The following PRKN variants were observed in gnomAD, a reference collection of about 807,000 sequenced individuals.
PRKN encodes the protein parkin RBR E3 ubiquitin protein ligase.
A neutral mutation model predicts 59.5 loss-of-function variants in PRKN; 56 were observed. The observed-to-expected ratio is 0.94, with a 90% CI of 0.76 to 1.18. PRKN has a LOEUF of 1.18. PRKN is among the 50% of genes most tolerant of loss of function. PRKN has a pLI of 0.00. For missense variants in PRKN, 657 were observed against 596.4 expected (o/e 1.10, Z -1.06); for synonymous variants, 250 against 222.1 (o/e 1.13, Z -1.12).
At chr6:162,661,961 C>T (rs752613684) in intron 1 of PRKN, among the ~76,000 whole-genome samples, 25 of 152,144 alleles carry the variant, frequency 1.6e-4, no homozygotes, top group Non-Finnish European at 3.2e-4. Context: ...TTTTTCAACC[C>T]TCATCCCCTC....
At chr6:162,369,352 T>C (rs1249415185) in intron 2 of PRKN, among the ~76,000 whole-genome samples, 3 of 152,174 alleles carry the variant, frequency 2.0e-5, no homozygotes, top group Non-Finnish European at 4.4e-5. Flanking sequence ...AAAACTCTAG[T>C]TCTATGAAAT....
chr6:161,513,456 G>A (rs529157971), intron 9 of PRKN, among the ~76,000 whole-genome samples: 34 of 87,392 alleles, frequency 3.9e-4, no homozygotes, highest in Non-Finnish European at 6.9e-4. Context: ...TAGCCAGGAT[G>A]GTCTCGATCT....
intron 5 of PRKN, among the ~76,000 whole-genome samples, chr6:161,974,403 T>G (rs368313156): frequency 2.0e-5 from 3 of 152,176 alleles, no homozygotes; most frequent in Non-Finnish European, 4.4e-5. Flanking sequence ...TCTTGCTGCT[T>G]CTTAGTTCCT....
At chr6:162,232,818 G>A (rs1296850191) in intron 3 of PRKN, among the ~76,000 whole-genome samples, 1 of 152,114 alleles carries the variant, frequency 6.6e-6, no homozygotes, top group Non-Finnish European at 1.5e-5. Flanking sequence ...GCCAGTATCT[G>A]CACAAAGCGT....
At chr6:161,713,969 T>C (rs1786862304) in intron 7 of PRKN, among the ~76,000 whole-genome samples, 1 of 152,084 alleles carries the variant, frequency 6.6e-6, no homozygotes, top group Non-Finnish European at 1.5e-5. Flanking sequence ...ATGTCTTTGC[T>C]CCTCCTTCCC....
rs559619614 is a variant in PRKN at position 162,274,530 on chromosome 6, C to G, written c.172-11765G>C. 1.2e-3 allele frequency among the ~76,000 whole-genome samples: 184 copies of G among 152,178 alleles called. 1 individual carries two copies. The highest frequency in any genetic ancestry group is 4.0e-3 in the African/African-American group (168 of 41,522). On this transcript the variant is annotated intron_variant, in intron 2 of 11. Coordinates refer to ENST00000366898, the MANE Select transcript of PRKN (RefSeq NM_004562.3). ...AAGACATAACTAATATATTGTAGTT[C>G]TCCCTTTTAAAGTGTATAATTCAGC...
intron 4 of PRKN, among the ~76,000 whole-genome samples, chr6:162,133,000 C>G (rs2128308456): frequency 6.6e-6 from 1 of 152,284 alleles, no homozygotes; most frequent in South Asian, 2.1e-4. Flanking sequence ...GTCGGGGCAG[C>G]AGAACATGTG....
chr6:161,426,676 C>CACACACAT (rs11271613), intron 9 of PRKN, among the ~76,000 whole-genome samples: 11,137 of 142,676 alleles, frequency 0.078, 634 homozygotes, highest in Middle Eastern at 0.21. Flanking sequence ...CACACACACA[C>CACACACAT]CTCCTATTAG....
chr6:161,570,146 A>ATT (rs1554277876), intron 7 of PRKN, among the ~76,000 whole-genome samples: 1 of 76,612 alleles, frequency 1.3e-5, no homozygotes, highest in East Asian at 3.2e-4. Flanking sequence ...AAAAAAAAAA[A>ATT]ATATATATAT....
At chr6:161,774,663 G>A (rs1583145038) in intron 7 of PRKN, among the ~76,000 whole-genome samples, 1 of 152,238 alleles carries the variant, frequency 6.6e-6, no homozygotes, top group Non-Finnish European at 1.5e-5. Flanking sequence ...CCTGGATAAC[G>A]GAGTGGAGCA....
chr6:161,404,434 A>C (rs374469388), intron 9 of PRKN, among the ~76,000 whole-genome samples: 1 of 152,174 alleles, frequency 6.6e-6, no homozygotes, highest in East Asian at 1.9e-4. Context: ...CCCCAGTGAC[A>C]CTTTGTGTCT....
intron 7 of PRKN, among the ~76,000 whole-genome samples, chr6:161,708,624 A>T (rs1412371920): frequency 6.6e-6 from 1 of 152,232 alleles, no homozygotes; most frequent in Non-Finnish European, 1.5e-5. Flanking sequence ...AACAAGCAAC[A>T]GTAACAGCTA....
chr6:161,792,989 T>C (rs1313996893), intron 6 of PRKN, among the ~76,000 whole-genome samples: 1 of 152,204 alleles, frequency 6.6e-6, no homozygotes, highest in African/African-American at 2.4e-5. Flanking sequence ...ATTGCCAAAG[T>C]GCACGACTGA....
At chr6:162,050,118 T>C (rs1777572360) in intron 5 of PRKN, among the ~76,000 whole-genome samples, 1 of 152,170 alleles carries the variant, frequency 6.6e-6, no homozygotes, top group Non-Finnish European at 1.5e-5. Context: ...CTGAACATAT[T>C]TTTCCTCAAA....
rs138792648 is a variant in PRKN at position 162,472,869 on chromosome 6, T to A, written c.8-29396A>T. ...CGAAGCTGTTCAGAACAAGGTAGAA[T>A]TCAACATACTGGAAATGTGTGTGTG... On this transcript the variant is annotated intron_variant, in intron 1 of 11. Coordinates refer to ENST00000366898, the MANE Select transcript of PRKN (RefSeq NM_004562.3). Among the ~76,000 whole-genome samples, 220 of 150,690 alleles carry A rather than the reference T, an allele frequency of 1.5e-3. 2 individuals are homozygous for A. The highest frequency in any genetic ancestry group is 4.7e-3 in the African/African-American group (194 of 41,244).
chr6:162,408,427 C>T (rs909701548), intron 2 of PRKN, among the ~76,000 whole-genome samples: 1 of 152,194 alleles, frequency 6.6e-6, no homozygotes, highest in South Asian at 2.1e-4. Context: ...AAAATGCCCT[C>T]AATATGATTT....
At chr6:162,320,270 C>CA (rs2128121331) in intron 2 of PRKN, among the ~76,000 whole-genome samples, 1 of 139,076 alleles carries the variant, frequency 7.2e-6, no homozygotes, top group South Asian at 2.3e-4. Context: ...GCAATAAACA[C>CA]AAAGTGCAGG....
At chr6:162,574,894 G>C (rs1411018843) in intron 1 of PRKN, among the ~76,000 whole-genome samples, 4 of 149,576 alleles carry the variant, frequency 2.7e-5, no homozygotes, top group African/African-American at 9.9e-5. Context: ...TAGTTGTTCT[G>C]AGTGGACTTG....
chr6:161,703,534 T>C (rs1456098834), intron 7 of PRKN, among the ~76,000 whole-genome samples: 2 of 152,138 alleles, frequency 1.3e-5, no homozygotes, highest in South Asian at 2.1e-4. Context: ...ATTGTATACA[T>C]AGAAAATCCA....
Sources: allele counts gnomAD v4.1 joint callset (sites outside exome capture counted in the v4.1 genomes callset), GRCh38; gene constraint gnomAD v4.1.1; transcripts MANE v1.5; gene names NCBI Gene and HGNC (gene_info 2026-07-23, HGNC 2026-07-21).